RASGRP1: variants seen among roughly 807,000 people sequenced by gnomAD.
RASGRP1 encodes the protein RAS guanyl releasing protein 1.
In RASGRP1, 37 loss-of-function variants were observed where a neutral mutation model predicts 95.1. The observed-to-expected ratio is 0.39, with a 90% CI of 0.30 to 0.51. The LOEUF (loss-of-function observed/expected upper bound fraction) is 0.51, where lower values mean the gene tolerates loss of function less well. RASGRP1 is among the 20% of genes least tolerant of loss of function. The pLI, the probability that RASGRP1 is intolerant of heterozygous loss-of-function variation, is 0.80. For missense variants in RASGRP1, 711 were observed against 965.4 expected, an observed-to-expected ratio of 0.74 and a Z score of 3.49; for synonymous variants, 325 against 353.4, an observed-to-expected ratio of 0.92 and a Z score of 0.90.
intron 14 of RASGRP1, 32 bp downstream of exon 14, chr15:38,500,071 A>G: frequency 1.2e-6 from 2 of 1,607,256 alleles, no homozygotes; most frequent in Non-Finnish European, 1.7e-6. Flanking sequence ...GGACTGATAC[A>G]CCAGGAATAT....
At chr15:38,562,665 T>C (rs1308144953) in intron 1 of RASGRP1, among the ~76,000 whole-genome samples, 3 of 152,180 alleles carry the variant, frequency 2.0e-5, no homozygotes, top group Non-Finnish European at 4.4e-5. Flanking sequence ...CCCTAGACCT[T>C]GGAGAAGAGG....
At chr15:38,546,591 C>T (rs1893115119) in intron 2 of RASGRP1, among the ~76,000 whole-genome samples, 3 of 152,166 alleles carry the variant, frequency 2.0e-5, no homozygotes, top group Admixed American at 2.0e-4. Context: ...TATCTACTAA[C>T]TTTCAGGTTG....
chr15:38,559,971 C>G lies in RASGRP1; in HGVS notation c.70G>C (p.Ala24Pro). ...PSHGCRAASK[A>P]RLEAKPANSP... ...TTGGCTGGCTTTGCCTCTAGTCTTG[C>G]TTTAGAGGCAGCTCTGCAGCCATGG... The change falls in exon 2 of 17, where the codon GCA becomes CCA. Residue 24 changes from alanine (A) to proline (P), a missense_variant. Ala to Pro is a conservative substitution (Grantham distance 27). Around this residue, in one of 3 missense-constraint regions of RASGRP1, gnomAD observed 491 missense variants for 676.6 expected, o/e 0.73. Transcript: ENST00000310803. 6.2e-7 allele frequency: 1 copy of G among 1,613,120 alleles called. No homozygotes were observed. Among genetic ancestry groups the G allele is most frequent in the African/African-American group, 1.3e-5 (1 of 75,004 alleles).
intron 1 of RASGRP1, among the ~76,000 whole-genome samples, chr15:38,563,226 G>A (rs865970167): frequency 6.6e-6 from 1 of 152,160 alleles, no homozygotes; most frequent in Non-Finnish European, 1.5e-5. Flanking sequence ...ATTATAGGCA[G>A]GTCGAAGGTG....
intron 15 of RASGRP1, 86 bp from the exon 16 acceptor site, chr15:38,494,853 C>T: frequency 1.7e-6 from 2 of 1,154,978 alleles, no homozygotes; most frequent in Non-Finnish European, 2.2e-6. Context: ...TGAGACCTTT[C>T]TTATTGTTAC....
intron 4 of RASGRP1, among the ~76,000 whole-genome samples, chr15:38,518,850 A>G (rs1194997168): frequency 2.0e-5 from 3 of 152,246 alleles, no homozygotes; most frequent in Non-Finnish European, 2.9e-5. Context: ...GAAGATTCTC[A>G]TGCTATAAAG....
chr15:38,538,451 C>A (rs1243987704), intron 2 of RASGRP1, among the ~76,000 whole-genome samples: 1 of 152,126 alleles, frequency 6.6e-6, no homozygotes, highest in East Asian at 1.9e-4. Context: ...AGCATCTAAC[C>A]AGAAGAAATG....
At chr15:38,542,996 T>C (rs1474230227) in intron 2 of RASGRP1, among the ~76,000 whole-genome samples, 1 of 150,640 alleles carries the variant, frequency 6.6e-6, no homozygotes, top group East Asian at 1.9e-4. Context: ...CTTCCATTCA[T>C]TTCTTTAATG....
At chr15:38,491,885 T>C (rs527590805) in intron 16 of RASGRP1, among the ~76,000 whole-genome samples, 5 of 152,342 alleles carry the variant, frequency 3.3e-5, no homozygotes, top group South Asian at 4.1e-4. Flanking sequence ...GAGCCACTTC[T>C]TAAAGCATTG....
chr15:38,544,986 T>C (rs1023090539), intron 2 of RASGRP1, among the ~76,000 whole-genome samples: 8 of 152,236 alleles, frequency 5.3e-5, no homozygotes, highest in Admixed American at 2.0e-4. Context: ...TATGGTCAGA[T>C]ATGAAAGTTC....
intron 3 of RASGRP1, chr15:38,523,927 G>T: frequency 6.6e-6 from 1 of 152,490 alleles, no homozygotes. Context: ...TGACAGAGTC[G>T]CCCAATGATG....
At chr15:38,547,276 C>T (rs556161300) in intron 2 of RASGRP1, among the ~76,000 whole-genome samples, 1 of 152,284 alleles carries the variant, frequency 6.6e-6, no homozygotes, top group East Asian at 1.9e-4. Flanking sequence ...GTAATGCATG[C>T]CAACTCAACT....
At position 38,500,092 on chromosome 15, in the gene RASGRP1, T is replaced by C. The variant is rs1409644337; in HGVS notation, c.1720+11A>G. On this transcript the variant is annotated intron_variant, in intron 14 of 16. Coordinates refer to ENST00000310803, the MANE Select transcript of RASGRP1 (RefSeq NM_005739.4). ...ATACACCAGGAATATGTCAACAATA[T>C]TGAGTCTTACCTTTACATCGATATC... The C allele has an allele frequency of 5.6e-6, 9 of 1,612,286 alleles. No individual in the cohort carries two copies. The highest frequency in any genetic ancestry group is 7.6e-6 in the Non-Finnish European group (9 of 1,179,230).
At chr15:38,560,182 C>T (rs1893749120) in intron 1 of RASGRP1, 177 bp from the exon 2 acceptor site, 1 of 634,486 alleles carries the variant, frequency 1.6e-6, no homozygotes, top group Non-Finnish European at 2.8e-6. Flanking sequence ...AAAGAGACAT[C>T]TCCCCAGCAA....
In RASGRP1 at chr15:38,494,683, A is replaced by G. The variant is rs749173806; in HGVS notation, c.1958T>C (p.Met653Thr). The G allele has an allele frequency of 7.2e-6, 11 of 1,534,650 alleles. No homozygotes were observed. Among genetic ancestry groups the G allele is most frequent in the Non-Finnish European group, 9.6e-6 (11 of 1,146,260 alleles). Residue 653 changes from methionine (M) to threonine (T), a missense_variant, in exon 16 of 17, where the codon ATG (methionine) becomes ACG (threonine). Met to Thr is a moderately conservative substitution (Grantham distance 81, BLOSUM62 -1). Coordinates refer to ENST00000310803, the MANE Select transcript of RASGRP1 (RefSeq NM_005739.4). The part of the protein sequence containing the change: ...EESKDRTIML[M>T]GVSSQKISLR... Reference sequence around the variant, plus strand: ...AGAAATCTTCTGTGAGGACACTCCCATCAGCATGATGGTCCGATCCTTACT... The same window carrying G: ...AGAAATCTTCTGTGAGGACACTCCCGTCAGCATGATGGTCCGATCCTTACT...
intron 2 of RASGRP1, among the ~76,000 whole-genome samples, chr15:38,531,502 G>A (rs1488853269): frequency 2.6e-5 from 4 of 152,182 alleles, no homozygotes; most frequent in Non-Finnish European, 5.9e-5. Context: ...TTTGGTTGAT[G>A]GATACTAATC....
Position 38,494,403 on chromosome 15 carries a change from A to G in RASGRP1, c.2238T>C (p.Pro746=), listed in dbSNP as rs1293689865. ...SKEELRHLRL[P]TYQELEQEIN... is the part of the protein sequence containing the mutation. Reference sequence around the variant, plus strand: ...GTACCTGTTCCAGTTCTTGGTAGGTAGGCAGTCTGAGGTGACGGAGCTCCT... The same window carrying G: ...GTACCTGTTCCAGTTCTTGGTAGGTGGGCAGTCTGAGGTGACGGAGCTCCT... The change falls in exon 16 of 17, where the codon CCT becomes CCC. Residue 746 remains proline (P), a synonymous_variant. Coordinates refer to ENST00000310803, the MANE Select transcript of RASGRP1 (RefSeq NM_005739.4). 12 of 1,613,854 alleles carry G rather than the reference A, an allele frequency of 7.4e-6. No homozygotes were observed. Among genetic ancestry groups the G allele is most frequent in the Non-Finnish European group, 9.3e-6 (11 of 1,179,894 alleles).
chr15:38,494,495 G>T lies in RASGRP1; in HGVS notation c.2146C>A (p.Pro716Thr). Residue 716 changes from proline (P) to threonine (T), a missense_variant, in exon 16 of 17, where the codon CCA (proline) becomes ACA (threonine). Transcript: ENST00000310803. ...AAAGCCCGCTTTCTGACCAAGACTG[G>T]GCTAGGACATGGAGAGGTGGGACTG... ...LPSPTSPCPS[P>T]VLVRKRAFVK... 1 of 1,607,296 alleles carries T rather than the reference G, an allele frequency of 6.2e-7. No individual in the cohort carries two copies. The highest frequency in any genetic ancestry group is 1.7e-5 in the Admixed American group (1 of 58,868).
chr15:38,508,091 T>C (rs1192223831), intron 8 of RASGRP1, 90 bp from the exon 9 acceptor site: 1 of 1,408,374 alleles, frequency 7.1e-7, no homozygotes, highest in Non-Finnish European at 9.6e-7. Flanking sequence ...TCCTGTGCCA[T>C]GATCTCACCC....
Sources: gnomAD v4.1 joint callset for allele counts (sites outside exome capture counted in the v4.1 genomes callset) on GRCh38, gnomAD v4.1.1 for gene constraint, gnomAD v4.1.1 regional missense constraint, MANE v1.5 for transcripts, NCBI Gene and HGNC (gene_info 2026-07-23, HGNC 2026-07-21) for gene names.